The following PANK1 variants were observed in gnomAD, a reference collection of about 807,000 sequenced individuals.
PANK1 encodes the protein pantothenic acid kinase 1.
A neutral mutation model predicts 40.1 loss-of-function variants in PANK1; 18 were observed. The observed-to-expected ratio is 0.45, with a 90% CI of 0.31 to 0.67. The LOEUF (loss-of-function observed/expected upper bound fraction) is 0.67, where lower values mean the gene tolerates loss of function less well. PANK1 is among the 30% of genes least tolerant of loss of function. The pLI is 0.06. For missense variants in PANK1, 457 were observed against 599.6 expected (o/e 0.76, Z 2.48); for synonymous variants, 242 against 237.7 (o/e 1.02, Z -0.17).
chr10:89,599,547 G>C, intron 2 of PANK1, 42 bp from the exon 3 acceptor site: 1 of 1,583,910 alleles, frequency 6.3e-7, no homozygotes, highest in South Asian at 1.2e-5. Context: ...TGTGAGATAG[G>C]CGACCATCTA....
rs143972734 is a variant in PANK1 at position 89,642,468 on chromosome 10, C to G, written c.292+2132G>C. ...CTAGCTTGATGCTTCGCCACCAGCA[C>G]ACACTAAAGTTTGCGTTTAAAGCAC... On this transcript the variant is annotated intron_variant, in intron 1 of 6. Transcript: ENST00000307534. Among the ~76,000 whole-genome samples, 53 of 152,340 alleles carry G rather than the reference C, an allele frequency of 3.5e-4. No individual in the cohort carries two copies. In the East Asian group the frequency reaches 0.01, roughly 29 times the overall value.
At position 89,585,098 on chromosome 10, in the gene PANK1, C is replaced by T. The variant is rs182925487; in HGVS notation, c.1327-633G>A. ...GCTTATAAACAATAGAAATTTGTTT[C>T]TCACAGTTCTAGAGGCTGGGAAGTC... On this transcript the variant is annotated intron_variant, in intron 6 of 6. Coordinates refer to ENST00000307534, the MANE Select transcript of PANK1 (RefSeq NM_148977.3). Among the ~76,000 whole-genome samples the T allele has an allele frequency of 1.1e-3, 174 of 152,272 alleles. 2 individuals carry two copies. The highest frequency in any genetic ancestry group is 4.0e-3 in the African/African-American group (165 of 41,572).
intron 3 of PANK1, among the ~76,000 whole-genome samples, chr10:89,595,798 C>G (rs543884163): frequency 8.6e-6 from 1 of 116,740 alleles, no homozygotes; most frequent in East Asian, 2.6e-4. Flanking sequence ...GCCTGGGTGA[C>G]AGAGCCGGAC....
intron 1 of PANK1, among the ~76,000 whole-genome samples, chr10:89,636,887 A>G (rs1336484673): frequency 6.7e-6 from 1 of 148,230 alleles, no homozygotes; most frequent in Non-Finnish European, 1.5e-5. Flanking sequence ...TTTGAGACAG[A>G]GTCTCTCCCT....
chr10:89,606,592 T>G (rs1438014123), intron 2 of PANK1, among the ~76,000 whole-genome samples: 1 of 148,590 alleles, frequency 6.7e-6, no homozygotes, highest in Non-Finnish European at 1.5e-5. Flanking sequence ...GGCACAATCA[T>G]AGCTCACTGC....
At chr10:89,582,308 G>A (rs1169668348), downstream of PANK1, 1 of 152,158 alleles carries the variant, frequency 6.6e-6, no homozygotes, top group East Asian at 1.9e-4. Context: ...AAAAGTTTCT[G>A]TAATTCAAGT....
At chr10:89,612,401 T>A (rs1194229137) in intron 1 of PANK1, among the ~76,000 whole-genome samples, 1 of 152,194 alleles carries the variant, frequency 6.6e-6, no homozygotes, top group Non-Finnish European at 1.5e-5. Context: ...TAGATATATA[T>A]ATTTTTGCAT....
chr10:89,627,670 T>A (rs920306116), intron 1 of PANK1, among the ~76,000 whole-genome samples: 3 of 152,196 alleles, frequency 2.0e-5, no homozygotes, highest in African/African-American at 7.2e-5. Flanking sequence ...GTGAAAACTC[T>A]GCTGTGAGTG....
At chr10:89,580,445 CCT>C (rs570326125), downstream of PANK1, 278 of 152,348 alleles carry the variant, frequency 1.8e-3, 1 homozygote, top group African/African-American at 6.3e-3. Context: ...GGGCCAGCTT[CCT>C]CTTTCTCACT....
chr10:89,622,681 A>G (rs1172936610), intron 1 of PANK1, among the ~76,000 whole-genome samples: 6 of 152,068 alleles, frequency 3.9e-5, no homozygotes. Context: ...TAAAAATACA[A>G]AAAACATTTG....
At chr10:89,597,834 G>A (rs1038699778) in intron 3 of PANK1, among the ~76,000 whole-genome samples, 3 of 152,192 alleles carry the variant, frequency 2.0e-5, no homozygotes, top group African/African-American at 7.2e-5. Flanking sequence ...AAATATTCAT[G>A]TCTCTGATAT....
At chr10:89,580,204 C>T (rs1844027878), downstream of PANK1, 1 of 152,180 alleles carries the variant, frequency 6.6e-6, no homozygotes, top group African/African-American at 2.4e-5. Context: ...AAGCATGGTT[C>T]ACTCTGTAGC....
rs751010333 is a variant in PANK1, at chr10:89,588,699, C to T, written c.1279G>A (p.Asp427Asn). 23 of 1,606,026 alleles carry T rather than the reference C, an allele frequency of 1.4e-5. No homozygotes were observed. The highest frequency in any genetic ancestry group is 1.9e-5 in the Non-Finnish European group (22 of 1,176,674). The change falls in exon 6 of 7, where the codon GAT becomes AAT. Residue 427 changes from aspartate (D) to asparagine (N), a missense_variant. Around this residue, in one of 4 missense-constraint regions of PANK1, gnomAD observed 5 missense variants for 28.0 expected, o/e 0.18. Coordinates refer to ENST00000307534, the MANE Select transcript of PANK1 (RefSeq NM_148977.3). ...VSMKLLAYAM[D>N]FWSKGQLKAL... Reference sequence around the variant, plus strand: ...TTCAGTTGTCCTTTGGACCAAAAATCCATGGCATATGCCAGCAGCTTCATG... The same window carrying T: ...TTCAGTTGTCCTTTGGACCAAAAATTCATGGCATATGCCAGCAGCTTCATG...
intron 1 of PANK1, among the ~76,000 whole-genome samples, chr10:89,621,099 C>T (rs942811448): frequency 9.2e-5 from 14 of 152,054 alleles, no homozygotes; most frequent in East Asian, 3.9e-4. Context: ...GTCAGAAGTT[C>T]GAGACCAACC....
intron 1 of PANK1, among the ~76,000 whole-genome samples, chr10:89,623,524 A>AGT: frequency 7.2e-6 from 1 of 138,332 alleles, no homozygotes; most frequent in Non-Finnish European, 1.6e-5. Flanking sequence ...TGCCTGGCCC[A>AGT]ATTTTTTTTT....
At chr10:89,588,463 C>T (rs539998542) in intron 6 of PANK1, among the ~76,000 whole-genome samples, 189 bp downstream of exon 6, 1 of 152,264 alleles carries the variant, frequency 6.6e-6, no homozygotes, top group Admixed American at 6.5e-5. Flanking sequence ...AACCAACTAC[C>T]AGTCCTGGTT....
At position 89,645,174 on chromosome 10, in the gene PANK1, C is replaced by T. The variant is rs762957863; in HGVS notation, c.-283G>A. 1 of 1,561,468 alleles carries T rather than the reference C, an allele frequency of 6.4e-7. No individual in the cohort carries two copies. Among genetic ancestry groups the T allele is most frequent in the Non-Finnish European group, 8.6e-7 (1 of 1,157,272 alleles). ...TCCCCGCGCACCCCCAGCCGGGGCT[C>T]CCGCCGCCCGCCTTCCCCTGATCCC... On this transcript the variant is annotated 5_prime_UTR_variant, in exon 1 of 7. Transcript: ENST00000307534.
downstream of PANK1, chr10:89,581,067 T>C (rs1420278990): frequency 6.6e-6 from 1 of 152,252 alleles, no homozygotes; most frequent in Non-Finnish European, 1.5e-5. Flanking sequence ...ATAAGCTCTG[T>C]GATGGTGGAT....
intron 1 of PANK1, among the ~76,000 whole-genome samples, chr10:89,623,539 A>T (rs956037777): frequency 6.3e-4 from 89 of 142,220 alleles, no homozygotes; most frequent in African/African-American, 1.7e-3. Flanking sequence ...TTTTTTTTTT[A>T]AATAATCAAC....
Sources: allele counts gnomAD v4.1 joint callset (sites outside exome capture counted in the v4.1 genomes callset), GRCh38; gene constraint gnomAD v4.1.1; regional missense constraint gnomAD v4.1.1; transcripts MANE v1.5; gene names NCBI Gene and HGNC (gene_info 2026-07-23, HGNC 2026-07-21).